KMT5B: variants seen among roughly 807,000 people sequenced by gnomAD.
The protein encoded by KMT5B is histone-lysine N-methyltransferase KMT5B.
A neutral mutation model predicts 83.2 loss-of-function variants in KMT5B; 10 were observed. The observed-to-expected ratio is 0.12, with a 90% confidence interval of 0.07 to 0.20. The LOEUF (loss-of-function observed/expected upper bound fraction) is 0.20, where lower values mean the gene tolerates loss of function less well. Ranked by LOEUF, KMT5B falls within the 10% of genes least tolerant of loss-of-function variation. The pLI is 1.00. For synonymous variants in KMT5B, 349 were observed against 388.8 expected, an observed-to-expected ratio of 0.90 and a Z score of 1.20; for missense variants, 753 against 1,067.2, an observed-to-expected ratio of 0.71 and a Z score of 4.10.
At position 68,158,983 on chromosome 11, in the gene KMT5B, T is replaced by C; in HGVS notation, c.1363A>G (p.Arg455Gly). The change falls in exon 11 of 11, where the codon AGA becomes GGA. Residue 455 changes from arginine to glycine, a missense_variant. By Grantham distance (125) the Arg-to-Gly change is moderately radical (BLOSUM62 -2). Transcript: ENST00000304363. Reference sequence around the variant, plus strand: ...TGCTCCAGCCGCTTGCAATGATTTCTCAATTTTATCTTTGAAAGTAAAGGC... The same window carrying C: ...TGCTCCAGCCGCTTGCAATGATTTCCCAATTTTATCTTTGAAAGTAAAGGC... Reference protein sequence around the residue: ...AKPLLSKIKLRNHCKRLEQKN... With the variant: ...AKPLLSKIKLGNHCKRLEQKN... The C allele has an allele frequency of 6.2e-7, 1 of 1,611,614 alleles. No homozygotes were observed. The highest frequency in any genetic ancestry group is 8.5e-7 in the Non-Finnish European group (1 of 1,179,500).
In KMT5B at chr11:68,155,595, G is replaced by C. The variant is rs1469324642; in HGVS notation, c.*2093C>G. On this transcript the variant is annotated 3_prime_UTR_variant, in exon 11 of 11. Transcript: ENST00000304363. Reference sequence around the variant, plus strand: ...ACCTCTTCAAAACACCCCAAACTAAGGTGGGAATACAAGAGGTGACCCGCT... The same window carrying C: ...ACCTCTTCAAAACACCCCAAACTAACGTGGGAATACAAGAGGTGACCCGCT... The C allele has an allele frequency of 6.6e-6, 1 of 152,180 alleles. No individual in the cohort carries two copies. The highest frequency in any genetic ancestry group is 2.4e-5 in the African/African-American group (1 of 41,444). 9.4% of individuals were successfully genotyped at this position (152,180 alleles called of 1,614,324 possible).
chr11:68,213,307 G>GC (rs1861225126), upstream of KMT5B: 3 of 147,728 alleles, frequency 2.0e-5, no homozygotes, highest in Admixed American at 2.0e-4. Flanking sequence ...GGCGGCGCGG[G>GC]CCGCAGCACC....
upstream of KMT5B, chr11:68,213,535 CCCAGGTCCGTGCGCCGCG>C (rs1861275670): frequency 6.6e-6 from 1 of 151,830 alleles, no homozygotes; most frequent in Non-Finnish European, 1.5e-5. Context: ...GACTCCGCGT[CCCAGGTCCGTGCGCCGCG>C]CGGTGCCGCC....
At chr11:68,173,364 T>C (rs1444058510) in intron 6 of KMT5B, among the ~76,000 whole-genome samples, 1 of 152,198 alleles carries the variant, frequency 6.6e-6, no homozygotes, top group African/African-American at 2.4e-5. Context: ...TTATTGAAGC[T>C]GGCATATATA....
intron 6 of KMT5B, among the ~76,000 whole-genome samples, chr11:68,172,553 T>C (rs1855941206): frequency 2.0e-5 from 3 of 152,078 alleles, no homozygotes; most frequent in Non-Finnish European, 2.9e-5. Context: ...TTTAACCCAA[T>C]ATCCAAAATA....
rs571369235 is a variant in KMT5B, at chr11:68,172,592, G to T, written c.654-883C>A. ...TTTCAGTAGGTAATATAAGAACTATGAATGGGAATAAAATTTAATATGAAA... is the reference window on the plus strand; with the variant it reads ...TTTCAGTAGGTAATATAAGAACTATTAATGGGAATAAAATTTAATATGAAA... On this transcript the variant is annotated intron_variant, in intron 6 of 10. Coordinates refer to ENST00000304363, the MANE Select transcript of KMT5B (RefSeq NM_017635.5). 2.0e-5 allele frequency among the ~76,000 whole-genome samples: 3 copies of T among 152,210 alleles called. No individual in the cohort carries two copies. The South Asian group carries it at 6.2e-4, about 32-fold the overall frequency.
rs111735994 is a variant in KMT5B, at chr11:68,202,378, G to A, written c.-77+10760C>T. ...ACAGGGCCTTTGCACTTGGGGTGCCGCCACACTGCTCCTCAGTCCCTGCCC... is the reference window on the plus strand; with the variant it reads ...ACAGGGCCTTTGCACTTGGGGTGCCACCACACTGCTCCTCAGTCCCTGCCC... On this transcript the variant is annotated intron_variant, in intron 1 of 10. Transcript: ENST00000304363. 2.6e-3 allele frequency among the ~76,000 whole-genome samples: 392 copies of A among 152,164 alleles called. 1 individual carries two copies. The highest frequency in any genetic ancestry group is 8.9e-3 in the African/African-American group (368 of 41,502).
chr11:68,190,334 C>T (rs1857895611), intron 1 of KMT5B, among the ~76,000 whole-genome samples, 182 bp from the exon 2 acceptor site: 1 of 152,154 alleles, frequency 6.6e-6, no homozygotes, highest in Non-Finnish European at 1.5e-5. Flanking sequence ...TATAACAGAG[C>T]TGGACATACA....
rs996447399 is a variant in KMT5B at position 68,156,238 on chromosome 11, C to A, written c.*1450G>T. ...TCAGAAAGTACAGGTACACATTTCCCAGAAATAAAGAGACCTACTGGTGTC... is the reference window on the plus strand; with the variant it reads ...TCAGAAAGTACAGGTACACATTTCCAAGAAATAAAGAGACCTACTGGTGTC... On this transcript the variant is annotated 3_prime_UTR_variant, in exon 11 of 11. Transcript: ENST00000304363. The A allele has an allele frequency of 6.6e-6, 1 of 152,330 alleles. No individual in the cohort carries two copies. The highest frequency in any genetic ancestry group is 2.4e-5 in the African/African-American group (1 of 41,422). The allele number at this position is 152,330 out of a possible 1,614,324, so 9.4% of individuals were successfully genotyped here.
chr11:68,173,747 A>G, intron 6 of KMT5B, 57 bp downstream of exon 6: 1 of 1,175,366 alleles, frequency 8.5e-7, no homozygotes, highest in Non-Finnish European at 1.2e-6. Context: ...CACTTCAACA[A>G]TAATTTAGAA....
intron 3 of KMT5B, among the ~76,000 whole-genome samples, chr11:68,184,145 TG>T (rs1857210474): frequency 6.6e-6 from 1 of 151,890 alleles, no homozygotes; most frequent in Non-Finnish European, 1.5e-5. Flanking sequence ...CTGAGGCAGG[TG>T]GATCACCTGA....
rs148827044 is a variant in KMT5B, at chr11:68,155,105, T to C, written c.*2583A>G. ...AAATTGAATACTTTACATATATTTC[T>C]ATGATCATCTCCTAATTCTTACAAT... On this transcript the variant is annotated 3_prime_UTR_variant, in exon 11 of 11. Coordinates refer to ENST00000304363, the MANE Select transcript of KMT5B (RefSeq NM_017635.5). 3.3e-5 allele frequency: 5 copies of C among 152,378 alleles called. No individual in the cohort carries two copies. Among genetic ancestry groups the C allele is most frequent in the African/African-American group, 9.6e-5 (4 of 41,586 alleles). The allele number at this position is 152,378 out of a possible 1,614,324, so 9.4% of individuals were successfully genotyped here. A position where few individuals can be genotyped will look rare whatever the true frequency, so the allele number is the denominator to read the frequency against.
intron 1 of KMT5B, among the ~76,000 whole-genome samples, chr11:68,202,546 C>CTTTTTT (rs71040602): frequency 8.2e-6 from 1 of 121,988 alleles, no homozygotes. Flanking sequence ...CTAAGACACA[C>CTTTTTT]TTTTTTTTTT....
chr11:68,194,458 G>C lies in KMT5B; in HGVS notation c.-76-4306C>G, dbSNP rs546579529. On this transcript the variant is annotated intron_variant, in intron 1 of 10. Coordinates refer to ENST00000304363, the MANE Select transcript of KMT5B (RefSeq NM_017635.5). ...TCCTCCCACCTCGGCCTCCCAAAGT[G>C]CTACGATTACAGGCATGAGCCATTG... is the stretch of plus-strand genomic sequence containing the variant. Among the ~76,000 whole-genome samples, 13 of 152,206 alleles carry C rather than the reference G, an allele frequency of 8.5e-5. No individual in the cohort carries two copies. In the East Asian group the frequency reaches 2.5e-3, roughly 29 times the overall value.
At chr11:68,187,716 T>C (rs1254401907) in intron 2 of KMT5B, among the ~76,000 whole-genome samples, 1 of 152,248 alleles carries the variant, frequency 6.6e-6, no homozygotes, top group African/African-American at 2.4e-5. Context: ...GTTCTATCCA[T>C]TATTAAAAGT....
At chr11:68,187,498 A>G (rs974824826) in intron 2 of KMT5B, among the ~76,000 whole-genome samples, 2 of 152,138 alleles carry the variant, frequency 1.3e-5, no homozygotes, top group African/African-American at 2.4e-5. Flanking sequence ...TGAAATTCCC[A>G]AATTTCCTTG....
At chr11:68,209,686 T>G (rs1055992647) in intron 1 of KMT5B, among the ~76,000 whole-genome samples, 1 of 152,208 alleles carries the variant, frequency 6.6e-6, no homozygotes, top group African/African-American at 2.4e-5. Context: ...ACAAGGAGGC[T>G]AAAGCTCAGA....
Position 68,182,196 on chromosome 11 carries a change from T to C in KMT5B, c.309-1996A>G, listed in dbSNP as rs558459435. On this transcript the variant is annotated intron_variant, in intron 3 of 10. Transcript: ENST00000304363. ...TAATCCTGAAGTTTACATTTATGAC[T>C]ACATAGTTTTACGTGAGCCCTAGGA... Among the ~76,000 whole-genome samples, 11 of 152,332 alleles carry C rather than the reference T, an allele frequency of 7.2e-5. No individual in the cohort carries two copies. In the East Asian group the frequency reaches 2.1e-3, roughly 29 times the overall value.
intron 1 of KMT5B, among the ~76,000 whole-genome samples, chr11:68,192,402 G>A (rs1025337534): frequency 2.6e-5 from 4 of 152,176 alleles, no homozygotes; most frequent in African/African-American, 9.7e-5. Flanking sequence ...AACTACAGAA[G>A]GCAGGGACTC....
Sources: allele counts gnomAD v4.1 joint callset (sites outside exome capture counted in the v4.1 genomes callset), GRCh38; gene constraint gnomAD v4.1.1; transcripts MANE v1.5; gene names NCBI Gene and HGNC (gene_info 2026-07-23, HGNC 2026-07-21).